PTK2B: variants seen among roughly 807,000 people sequenced by gnomAD.
PTK2B encodes the protein protein tyrosine kinase 2 beta, also known as protein-tyrosine kinase 2-beta.
Under a neutral mutation model 142.9 loss-of-function variants are expected in PTK2B, and 71 were observed. That is an observed-to-expected ratio of 0.50 (90% CI 0.41 to 0.61). The LOEUF is 0.61. PTK2B is among the 20% of genes least tolerant of loss of function. PTK2B has a pLI of 0.00. For synonymous variants in PTK2B, 519 were observed against 503.4 expected, an observed-to-expected ratio of 1.03 and a Z score of -0.42; for missense variants, 1,105 against 1,320.4, an observed-to-expected ratio of 0.84 and a Z score of 2.53.
At chr8:27,450,675 C>G in intron 24 of PTK2B, 74 bp from the exon 25 acceptor site, 2 of 1,573,408 alleles carry the variant, frequency 1.3e-6, no homozygotes, top group South Asian at 1.1e-5. Flanking sequence ...TGAGGTTCTT[C>G]AGAGGACTGT....
At chr8:27,318,009 C>T (rs1803129940) in intron 3 of PTK2B, among the ~76,000 whole-genome samples, 2 of 151,940 alleles carry the variant, frequency 1.3e-5, no homozygotes, top group South Asian at 4.1e-4. Context: ...TTTTTTTTCT[C>T]TAAAGCATGC....
intron 1 of PTK2B, among the ~76,000 whole-genome samples, chr8:27,331,793 T>C (rs546354126): frequency 2.0e-5 from 3 of 152,328 alleles, no homozygotes; most frequent in Non-Finnish European, 2.9e-5. Flanking sequence ...TAAATTAATG[T>C]ACTGATTTAG....
At chr8:27,377,229 T>C (rs1286457127) in intron 1 of PTK2B, among the ~76,000 whole-genome samples, 1 of 152,182 alleles carries the variant, frequency 6.6e-6, no homozygotes, top group Non-Finnish European at 1.5e-5. Context: ...GTCATTGAAA[T>C]ATGCAGATGC....
At chr8:27,355,789 C>T (rs1034479065) in intron 1 of PTK2B, among the ~76,000 whole-genome samples, 1 of 151,968 alleles carries the variant, frequency 6.6e-6, no homozygotes, top group Admixed American at 6.6e-5. Flanking sequence ...TTTGGGAGGC[C>T]GAGGCCAGTG....
intron 2 of PTK2B, among the ~76,000 whole-genome samples, chr8:27,400,029 G>A (rs905121547): frequency 5.9e-5 from 9 of 152,216 alleles, no homozygotes; most frequent in African/African-American, 1.9e-4. Context: ...ATCTCCAAGG[G>A]CCTCTAATTG....
intron 18 of PTK2B, 142 bp from the exon 19 acceptor site, chr8:27,438,889 A>G: frequency 1.3e-6 from 1 of 752,012 alleles, no homozygotes; most frequent in South Asian, 1.7e-5. Context: ...AGTGACCCAC[A>G]GAAGCTGCCC....
chr8:27,351,464 C>T (rs186899781), intron 1 of PTK2B, among the ~76,000 whole-genome samples: 31 of 152,046 alleles, frequency 2.0e-4, no homozygotes, highest in Admixed American at 1.9e-3. Flanking sequence ...AGTGACTTAC[C>T]TAAGGTTCCA....
intron 1 of PTK2B, among the ~76,000 whole-genome samples, chr8:27,348,342 A>G (rs1270162636): frequency 6.6e-6 from 1 of 152,094 alleles, no homozygotes; most frequent in Non-Finnish European, 1.5e-5. Context: ...CCTCTGCATG[A>G]CAGGACTCTC....
intron 24 of PTK2B, among the ~76,000 whole-genome samples, chr8:27,449,763 A>G (rs1811690974): frequency 6.6e-6 from 1 of 152,222 alleles, no homozygotes; most frequent in Non-Finnish European, 1.5e-5. Flanking sequence ...ACCGTGGGGG[A>G]AGACTGAATG....
chr8:27,354,050 C>T (rs548848901), intron 1 of PTK2B, among the ~76,000 whole-genome samples: 2 of 152,206 alleles, frequency 1.3e-5, no homozygotes, highest in East Asian at 1.9e-4. Context: ...TGTGTCTGCC[C>T]CTCTGCCTCT....
intron 2 of PTK2B, among the ~76,000 whole-genome samples, chr8:27,404,025 G>A (rs1808549673): frequency 7.6e-6 from 1 of 131,154 alleles, no homozygotes; most frequent in Non-Finnish European, 1.7e-5. Flanking sequence ...CATATGTCCT[G>A]ATTTGTCTCA....
chr8:27,360,375 C>T (rs1483299740), intron 1 of PTK2B, among the ~76,000 whole-genome samples: 2 of 152,264 alleles, frequency 1.3e-5, no homozygotes, highest in Non-Finnish European at 2.9e-5. Context: ...GAAAGTCATG[C>T]TGATGCTGAT....
intron 1 of PTK2B, among the ~76,000 whole-genome samples, chr8:27,327,102 C>T (rs1314492716): frequency 6.6e-6 from 1 of 152,098 alleles, no homozygotes; most frequent in African/African-American, 2.4e-5. Flanking sequence ...GGGGAAAGAA[C>T]AGCAAGTGCA....
At chr8:27,344,737 C>T (rs1804614335) in intron 1 of PTK2B, among the ~76,000 whole-genome samples, 1 of 152,182 alleles carries the variant, frequency 6.6e-6, no homozygotes, top group Admixed American at 6.5e-5. Flanking sequence ...GCTTCTGCCA[C>T]CTCTGTACTG....
At chr8:27,426,346 C>T (rs1458528198) in intron 5 of PTK2B, among the ~76,000 whole-genome samples, 1 of 152,210 alleles carries the variant, frequency 6.6e-6, no homozygotes, top group African/African-American at 2.4e-5. Context: ...GTGTTAGCTA[C>T]TCAAAATTGC....
intron 13 of PTK2B, among the ~76,000 whole-genome samples, chr8:27,435,228 G>A (rs1810697585): frequency 6.6e-6 from 1 of 152,180 alleles, no homozygotes; most frequent in South Asian, 2.1e-4. Context: ...TTCACTGTGG[G>A]CTCACGTGAT....
In PTK2B at chr8:27,435,757, G is replaced by T. The variant is rs749051595; in HGVS notation, c.1207G>T (p.Ala403Ser). The T allele has an allele frequency of 1.1e-5, 17 of 1,614,148 alleles. No homozygotes were observed. The highest frequency in any genetic ancestry group is 1.4e-5 in the Non-Finnish European group (16 of 1,180,034). The change falls in exon 14 of 31, where the codon GCA becomes TCA. Residue 403 changes from alanine to serine, a missense_variant. By Grantham distance (99) the Ala-to-Ser change is moderately conservative (BLOSUM62 1). Coordinates refer to ENST00000346049, the MANE Select transcript of PTK2B (RefSeq NM_173176.3). ...TGTTGTTCCAGAGTCAGACATCTACGCAGAGATTCCCGACGAAACCCTGCG... is the reference window on the plus strand; with the variant it reads ...TGTTGTTCCAGAGTCAGACATCTACTCAGAGATTCCCGACGAAACCCTGCG... Reference protein sequence around the residue: ...ESCSIESDIYAEIPDETLRRP... With the variant: ...ESCSIESDIYSEIPDETLRRP...
chr8:27,347,144 A>G (rs1804760503), intron 1 of PTK2B, among the ~76,000 whole-genome samples: 1 of 152,016 alleles, frequency 6.6e-6, no homozygotes, highest in Admixed American at 6.6e-5. Context: ...TGGGAGGCCA[A>G]AACGGGTGGA....
chr8:27,412,737 T>C (rs1809146101), intron 2 of PTK2B, among the ~76,000 whole-genome samples: 1 of 152,158 alleles, frequency 6.6e-6, no homozygotes, highest in Admixed American at 6.5e-5. Flanking sequence ...GGACCTCGAG[T>C]TAAATTTTCC....
Sources: gnomAD v4.1 joint callset for allele counts (sites outside exome capture counted in the v4.1 genomes callset) on GRCh38, gnomAD v4.1.1 for gene constraint, MANE v1.5 for transcripts, NCBI Gene and HGNC (gene_info 2026-07-23, HGNC 2026-07-21) for gene names.